The following ITPRIP variants were observed in gnomAD, a reference collection of about 807,000 sequenced individuals.
The protein encoded by ITPRIP is inositol 1,4,5-trisphosphate receptor interacting protein, also known as inositol 1,4,5-trisphosphate receptor-interacting protein.
In ITPRIP, 32 loss-of-function variants were observed where a neutral mutation model predicts 35.8. That is an observed-to-expected ratio of 0.89 (90% confidence interval 0.68 to 1.20). ITPRIP has a LOEUF of 1.20. Ranked by LOEUF, ITPRIP falls within the 50% of genes most tolerant of loss-of-function variation. The pLI is 0.00. For missense variants in ITPRIP, 653 were observed against 735.6 expected (o/e 0.89, Z 1.30); for synonymous variants, 358 against 324.0 (o/e 1.11, Z -1.13).
chr10:104,325,858 G>A (rs1049925181), intron 1 of ITPRIP, among the ~76,000 whole-genome samples: 5 of 152,248 alleles, frequency 3.3e-5, no homozygotes, highest in African/African-American at 1.2e-4. Context: ...ACCCAGGGGA[G>A]AGCCCAGACT....
intron 1 of ITPRIP, among the ~76,000 whole-genome samples, chr10:104,331,358 C>T (rs555105957): frequency 1.3e-5 from 2 of 152,350 alleles, no homozygotes; most frequent in South Asian, 2.1e-4. Flanking sequence ...GCGGGTCCCC[C>T]GGCTGCTGCT....
intron 1 of ITPRIP, among the ~76,000 whole-genome samples, chr10:104,323,147 G>A (rs2013899319): frequency 1.3e-5 from 2 of 152,156 alleles, no homozygotes; most frequent in Non-Finnish European, 2.9e-5. Flanking sequence ...ATCATCCCGT[G>A]GACCCTCCCA....
intron 1 of ITPRIP, among the ~76,000 whole-genome samples, chr10:104,329,243 G>T (rs2014100007): frequency 6.6e-6 from 1 of 151,846 alleles, no homozygotes; most frequent in African/African-American, 2.4e-5. Flanking sequence ...GAACAATAGA[G>T]CCGGGCCTCT....
Position 104,314,798 on chromosome 10 carries a change from C to T in ITPRIP, c.1254G>A (p.Lys418=). ...CLQIASFLLS[K]QSRLTGPSGL... ...CGCTGGGACCGGTCAGGCGGCTCTG[C>T]TTGGAGAGCAGGAAGGATGCTATCT... Residue 418 remains lysine (K), a synonymous_variant, in exon 2 of 2, where the codon AAG becomes AAA. Coordinates refer to ENST00000337478, the MANE Select transcript of ITPRIP (RefSeq NM_001272013.2). 1 of 1,613,912 alleles carries T rather than the reference C, an allele frequency of 6.2e-7. No individual in the cohort carries two copies. Among genetic ancestry groups the T allele is most frequent in the Non-Finnish European group, 8.5e-7 (1 of 1,180,006 alleles).
chr10:104,315,864 G>C lies in ITPRIP; in HGVS notation c.188C>G (p.Ala63Gly). 1 of 1,612,932 alleles carries C rather than the reference G, an allele frequency of 6.2e-7. No individual in the cohort carries two copies. The highest frequency in any genetic ancestry group is 8.5e-7 in the Non-Finnish European group (1 of 1,179,412). The stretch of plus-strand genomic sequence containing the variant: ...CTGCTCCAGTGCCTCCTTTTCGGCC[G>C]CCAGCCGAGCCACCTCCTCCTCCAG... ...LRLEEEVARL[A>G]AEKEALEQVA... Residue 63 changes from alanine (A) to glycine (G), a missense_variant, in exon 2 of 2, where the codon GCG (alanine) becomes GGG (glycine). Coordinates refer to ENST00000337478, the MANE Select transcript of ITPRIP (RefSeq NM_001272013.2). This position sits in a 1 kb window ranked among gnomAD's most constrained non-coding sequence, Gnocchi z 5.7.
intron 1 of ITPRIP, among the ~76,000 whole-genome samples, chr10:104,319,102 A>AGG (rs1375120088): frequency 6.6e-6 from 1 of 152,252 alleles, no homozygotes; most frequent in Non-Finnish European, 1.5e-5. Flanking sequence ...CTGCAAGGAA[A>AGG]GGGGGCCTGG....
At position 104,318,437 on chromosome 10, in the gene ITPRIP, C is replaced by A. The variant is rs569015705; in HGVS notation, c.-13-2373G>T. On this transcript the variant is annotated intron_variant, in intron 1 of 1. Transcript: ENST00000337478. ...GGACACAGTGGGCCTTGACCAGTCA[C>A]AGTAATAGCCCGGACAACCACCTAC... is the stretch of plus-strand genomic sequence containing the variant. Among the ~76,000 whole-genome samples, 435 of 152,314 alleles carry A rather than the reference C, an allele frequency of 2.9e-3. 3 individuals carry two copies. Among genetic ancestry groups the A allele is most frequent in the Non-Finnish European group, 4.0e-3 (269 of 68,014 alleles).
intron 1 of ITPRIP, among the ~76,000 whole-genome samples, chr10:104,329,748 G>A (rs2014111119): frequency 6.6e-6 from 1 of 152,188 alleles, no homozygotes; most frequent in African/African-American, 2.4e-5. Flanking sequence ...TTGAATCTTG[G>A]CTCTACAACT....
rs1190617392 is a variant in ITPRIP, at chr10:104,328,087, TTC to T, written c.-14+10157_-14+10158del. Among the ~76,000 whole-genome samples, 2 of 152,160 alleles carry T rather than the reference TTC, an allele frequency of 1.3e-5. No homozygotes were observed. Among genetic ancestry groups the T allele is most frequent in the African/African-American group, 4.8e-5 (2 of 41,436 alleles). On this transcript the variant is annotated intron_variant, in intron 1 of 1. Transcript: ENST00000337478. This position sits in a 1 kb window ranked among gnomAD's most constrained non-coding sequence, Gnocchi z 4.1. ...CACACCATGCACTGGAGGCACCACT[TTC>T]ACAAGACAGTTCCCCACAAATGCCC...
Position 104,315,871 on chromosome 10 carries a change from G to T in ITPRIP, c.181C>A (p.Arg61=). The change falls in exon 2 of 2, where the codon CGG becomes AGG. Residue 61 remains arginine (R), a synonymous_variant. Coordinates refer to ENST00000337478, the MANE Select transcript of ITPRIP (RefSeq NM_001272013.2). The surrounding 1 kb of genome is among the most constrained non-coding windows in gnomAD (Gnocchi z 5.7). ...EQLRLEEEVA[R]LAAEKEALEQ... ...AGTGCCTCCTTTTCGGCCGCCAGCC[G>T]AGCCACCTCCTCCTCCAGGCGCAAC... The T allele has an allele frequency of 6.2e-7, 1 of 1,613,378 alleles. No individual in the cohort carries two copies. Among genetic ancestry groups the T allele is most frequent in the Admixed American group, 1.7e-5 (1 of 59,998 alleles).
At chr10:104,332,403 T>A (rs1207406716) in intron 1 of ITPRIP, among the ~76,000 whole-genome samples, 1 of 152,210 alleles carries the variant, frequency 6.6e-6, no homozygotes, top group Non-Finnish European at 1.5e-5. Flanking sequence ...CCTGAAGTTA[T>A]GCCTAGTTGC....
intron 1 of ITPRIP, among the ~76,000 whole-genome samples, chr10:104,324,197 C>T (rs2013928926): frequency 6.6e-6 from 1 of 152,334 alleles, no homozygotes; most frequent in Middle Eastern, 3.4e-3. Context: ...GCCTGATTGG[C>T]TCCCATCCTT....
intron 1 of ITPRIP, among the ~76,000 whole-genome samples, chr10:104,332,552 G>A (rs762858584): frequency 6.6e-5 from 10 of 152,110 alleles, no homozygotes; most frequent in South Asian, 2.1e-4. Context: ...TGCCTCTTTC[G>A]TCTCCTGTGC....
Position 104,310,175 on chromosome 10 carries a change from GA to G in ITPRIP, c.*4232del, listed in dbSNP as rs1355750048. 2.6e-5 allele frequency: 4 copies of G among 152,168 alleles called. No individual in the cohort carries two copies. Among genetic ancestry groups the G allele is most frequent in the African/African-American group, 9.7e-5 (4 of 41,438 alleles). 9.4% of individuals were successfully genotyped at this position (152,168 alleles called of 1,614,324 possible). A position where few individuals can be genotyped will look rare whatever the true frequency, so the allele number is the denominator to read the frequency against. On this transcript the variant is annotated 3_prime_UTR_variant, in exon 2 of 2. Transcript: ENST00000337478. ...GTGAGGTGGAGATGAGACGGACCACGAAAATGTTCTGAATCACAGCCTTGGG... is the reference window on the plus strand; with the variant it reads ...GTGAGGTGGAGATGAGACGGACCACGAAATGTTCTGAATCACAGCCTTGGG...
rs1380504175 is a variant in ITPRIP at position 104,311,947 on chromosome 10, C to T, written c.*2461G>A. On this transcript the variant is annotated 3_prime_UTR_variant, in exon 2 of 2. Coordinates refer to ENST00000337478, the MANE Select transcript of ITPRIP (RefSeq NM_001272013.2). ...CCTTTCTGGAGCCCTGCGGGCAGCA[C>T]ACAAGTTGCCTCAAAGACAGGGTAG... 6.6e-6 allele frequency: 1 copy of T among 152,214 alleles called. No homozygotes were observed. Among genetic ancestry groups the T allele is most frequent in the Non-Finnish European group, 1.5e-5 (1 of 68,046 alleles). The allele number at this position is 152,214 out of a possible 1,614,324, so 9.4% of individuals were successfully genotyped here.
Position 104,310,015 on chromosome 10 carries a change from CA to C in ITPRIP, c.*4392del, listed in dbSNP as rs145867077. The C allele has an allele frequency of 2.0e-4, 30 of 152,290 alleles. No individual in the cohort carries two copies. The highest frequency in any genetic ancestry group is 7.0e-4 in the African/African-American group (29 of 41,552). 9.4% of individuals were successfully genotyped at this position (152,290 alleles called of 1,614,324 possible). A position where few individuals can be genotyped will look rare whatever the true frequency, so the allele number is the denominator to read the frequency against. ...CTCTAAAAGATGCCCTTCCCAGGGACAGGGGTGGGGCAAGGCAGAGTGGGGC... is the reference window on the plus strand; with the variant it reads ...CTCTAAAAGATGCCCTTCCCAGGGACGGGGTGGGGCAAGGCAGAGTGGGGC... On this transcript the variant is annotated 3_prime_UTR_variant, in exon 2 of 2. Transcript: ENST00000337478.
At chr10:104,336,682 A>C (rs889094206) in intron 1 of ITPRIP, among the ~76,000 whole-genome samples, 2 of 152,114 alleles carry the variant, frequency 1.3e-5, no homozygotes, top group Non-Finnish European at 2.9e-5. Flanking sequence ...AAGCTCTGGG[A>C]AGACAGGCAG....
intron 1 of ITPRIP, among the ~76,000 whole-genome samples, chr10:104,319,879 T>G (rs1462702749): frequency 6.6e-6 from 1 of 152,070 alleles, no homozygotes; most frequent in South Asian, 2.1e-4. Context: ...CCCTCCTCCC[T>G]CTGGAATTCA....
In ITPRIP at chr10:104,315,001, C is replaced by A; in HGVS notation, c.1051G>T (p.Val351Leu). 1 of 1,614,108 alleles carries A rather than the reference C, an allele frequency of 6.2e-7. No individual in the cohort carries two copies. The highest frequency in any genetic ancestry group is 8.5e-7 in the Non-Finnish European group (1 of 1,180,028). Residue 351 changes from valine to leucine, a missense_variant, in exon 2 of 2, where the codon GTG becomes TTG. Coordinates refer to ENST00000337478, the MANE Select transcript of ITPRIP (RefSeq NM_001272013.2). This position sits in a 1 kb window ranked among gnomAD's most constrained non-coding sequence, Gnocchi z 5.7. ...AGGTCCGAGTCATCACACTGGATCACAGGAATCAGGTTGAAGGGCATGAAC... is the reference window on the plus strand; with the variant it reads ...AGGTCCGAGTCATCACACTGGATCAAAGGAATCAGGTTGAAGGGCATGAAC... The part of the protein sequence containing the change: ...GKFMPFNLIP[V>L]IQCDDSDLYF...
Sources: gnomAD v4.1 joint callset for allele counts (sites outside exome capture counted in the v4.1 genomes callset) on GRCh38, gnomAD v4.1.1 for gene constraint, Gnocchi (gnomAD v3.1) non-coding constraint, MANE v1.5 for transcripts, NCBI Gene and HGNC (gene_info 2026-07-23, HGNC 2026-07-21) for gene names.